CTIF: variants seen among roughly 807,000 people sequenced by gnomAD.
CTIF encodes cap binding complex dependent translation initiation factor.
Under a neutral mutation model 66.0 loss-of-function variants are expected in CTIF, and 21 were observed. That is an observed-to-expected ratio of 0.32 (90% CI 0.23 to 0.46). The LOEUF is 0.46. CTIF is among the 20% of genes least tolerant of loss of function. The pLI, the probability that CTIF is intolerant of heterozygous loss-of-function variation, is 1.00. For synonymous variants in CTIF, 345 were observed against 326.4 expected (o/e 1.06, Z -0.62); for missense variants, 739 against 812.7 (o/e 0.91, Z 1.10).
intron 11 of CTIF, among the ~76,000 whole-genome samples, chr18:48,858,424 C>T (rs991068609): frequency 6.6e-6 from 1 of 152,182 alleles, no homozygotes; most frequent in Non-Finnish European, 1.5e-5. Flanking sequence ...AGGAGAAAGC[C>T]TGGTCCTTGC....
intron 7 of CTIF, among the ~76,000 whole-genome samples, chr18:48,722,811 G>A (rs1023889044): frequency 6.6e-6 from 1 of 152,008 alleles, no homozygotes; most frequent in East Asian, 1.9e-4. Flanking sequence ...CATACCCATC[G>A]GCGCTCATAG....
intron 9 of CTIF, among the ~76,000 whole-genome samples, chr18:48,809,875 A>G (rs1599088081): frequency 6.6e-6 from 1 of 151,510 alleles, no homozygotes; most frequent in Non-Finnish European, 1.5e-5. Context: ...ATCTGTTTTC[A>G]TATCTAATTT....
intron 1 of CTIF, among the ~76,000 whole-genome samples, chr18:48,603,228 G>A (rs2090131522): frequency 6.7e-6 from 1 of 149,912 alleles, no homozygotes; most frequent in Admixed American, 6.6e-5. Flanking sequence ...ATGGGTGGGT[G>A]GGTAGATTGA....
At chr18:48,717,304 A>G (rs2092290774) in intron 7 of CTIF, among the ~76,000 whole-genome samples, 1 of 152,058 alleles carries the variant, frequency 6.6e-6, no homozygotes, top group African/African-American at 2.4e-5. Flanking sequence ...AGGCTGAGGC[A>G]GGAGAATTGC....
intron 6 of CTIF, among the ~76,000 whole-genome samples, chr18:48,682,379 T>TC (rs1311744108): frequency 6.6e-6 from 1 of 152,182 alleles, no homozygotes; most frequent in Admixed American, 6.5e-5. Flanking sequence ...AGCAGTAATA[T>TC]CACCTGGGGA....
chr18:48,602,876 T>A (rs1297001360), intron 1 of CTIF, among the ~76,000 whole-genome samples: 1 of 149,118 alleles, frequency 6.7e-6, no homozygotes, highest in African/African-American at 2.5e-5. Flanking sequence ...GATGGATGGA[T>A]GGATGGATGG....
At chr18:48,613,379 T>G (rs1568073293) in intron 1 of CTIF, among the ~76,000 whole-genome samples, 1 of 152,008 alleles carries the variant, frequency 6.6e-6, no homozygotes, top group Admixed American at 6.6e-5. Context: ...CCCCACGGTG[T>G]TCACAGAAAC....
At chr18:48,840,244 C>T (rs944054855) in intron 10 of CTIF, among the ~76,000 whole-genome samples, 9 of 152,132 alleles carry the variant, frequency 5.9e-5, no homozygotes, top group African/African-American at 1.2e-4. Flanking sequence ...TGTGAACAGA[C>T]GAGTTTGGGT....
At position 48,633,117 on chromosome 18, in the gene CTIF, A is replaced by G. The variant is rs115080687; in HGVS notation, c.181-3497A>G. 9.6e-3 allele frequency among the ~76,000 whole-genome samples: 1,464 copies of G among 152,230 alleles called. 15 individuals are homozygous for G. Among genetic ancestry groups the G allele is most frequent in the African/African-American group, 0.032 (1,313 of 41,508 alleles). ...GAGTCACCGTGCCGTGGAATATCAC[A>G]CCAGCACTACGCAGCTGGGGTTAAA... On this transcript the variant is annotated intron_variant, in intron 2 of 11. Coordinates refer to ENST00000256413, the MANE Select transcript of CTIF (RefSeq NM_014772.3).
chr18:48,806,652 TC>T (rs1568234624), intron 9 of CTIF, among the ~76,000 whole-genome samples: 1 of 152,184 alleles, frequency 6.6e-6, no homozygotes, highest in East Asian at 1.9e-4. Context: ...CAGCAGCATC[TC>T]CCTGTGGTGG....
chr18:48,543,351 T>A (rs997752181), intron 1 of CTIF, among the ~76,000 whole-genome samples: 1 of 152,174 alleles, frequency 6.6e-6, no homozygotes, highest in African/African-American at 2.4e-5. Flanking sequence ...CCATTTGATG[T>A]CCTTGGCTTG....
chr18:48,565,455 A>G (rs533107721), intron 1 of CTIF: 2 of 151,942 alleles, frequency 1.3e-5, no homozygotes, highest in South Asian at 2.1e-4. Context: ...AGGTATTATC[A>G]TTTCCGTTTT....
chr18:48,838,336 C>G (rs899475271), intron 10 of CTIF, among the ~76,000 whole-genome samples: 5 of 152,010 alleles, frequency 3.3e-5, no homozygotes, highest in African/African-American at 1.2e-4. Flanking sequence ...GGTGCGCTGC[C>G]TTCCCAAGCC....
chr18:48,788,077 C>T (rs910953372), intron 9 of CTIF, among the ~76,000 whole-genome samples: 1 of 151,470 alleles, frequency 6.6e-6, no homozygotes, highest in Non-Finnish European at 1.5e-5. Flanking sequence ...GAGCTGGGAC[C>T]CCCCCTTTCA....
intron 1 of CTIF, among the ~76,000 whole-genome samples, chr18:48,579,722 C>T (rs1274503203): frequency 1.3e-5 from 2 of 152,210 alleles, no homozygotes; most frequent in East Asian, 3.9e-4. Context: ...CTTGGTGTAC[C>T]CAGGTCTCTT....
intron 7 of CTIF, among the ~76,000 whole-genome samples, chr18:48,725,215 G>A (rs1025832830): frequency 9.9e-5 from 15 of 152,168 alleles, no homozygotes; most frequent in Admixed American, 5.9e-4. Flanking sequence ...CTGCAGCCAC[G>A]GTGCAAAGAG....
At chr18:48,716,454 G>A (rs1246797141) in intron 7 of CTIF, among the ~76,000 whole-genome samples, 2 of 152,124 alleles carry the variant, frequency 1.3e-5, no homozygotes. Context: ...TGAGAGGAGC[G>A]GTGCTTGCTG....
At chr18:48,557,946 G>A (rs919986165) in intron 1 of CTIF, among the ~76,000 whole-genome samples, 1 of 152,202 alleles carries the variant, frequency 6.6e-6, no homozygotes, top group Non-Finnish European at 1.5e-5. Context: ...TAAAGGCCCT[G>A]TTTCCAAACA....
At chr18:48,808,516 C>CTTTTTTTTTTTTTTT (rs34004475) in intron 9 of CTIF, among the ~76,000 whole-genome samples, 1 of 135,542 alleles carries the variant, frequency 7.4e-6, no homozygotes, top group Non-Finnish European at 1.6e-5. Flanking sequence ...ATTTTTGGTC[C>CTTTTTTTTTTTTTTT]TTTTTTTTTT....
Sources: allele counts gnomAD v4.1 joint callset (sites outside exome capture counted in the v4.1 genomes callset), GRCh38; gene constraint gnomAD v4.1.1; transcripts MANE v1.5; gene names NCBI Gene and HGNC (gene_info 2026-07-23, HGNC 2026-07-21).